Variants in SYN2 observed in about 807,000 individuals in gnomAD.
SYN2 encodes the protein synapsin II, also known as synapsin-2.
A neutral mutation model predicts 50.9 loss-of-function variants in SYN2; 19 were observed. The ratio of observed to expected loss-of-function variants is 0.37; its 90% CI spans 0.26 to 0.55. The LOEUF is 0.55. Ranked by LOEUF, SYN2 falls within the 20% of genes least tolerant of loss-of-function variation. The probability of loss-of-function intolerance (pLI) is 0.81; values close to 1 mark genes in which losing one functional copy is unlikely to be tolerated. For missense variants in SYN2, 587 were observed against 576.4 expected (o/e 1.02, Z -0.19); for synonymous variants, 255 against 224.9 (o/e 1.13, Z -1.20).
chr3:12,048,430 A>G (rs1470432076), intron 1 of SYN2, among the ~76,000 whole-genome samples: 1 of 152,198 alleles, frequency 6.6e-6, no homozygotes, highest in Non-Finnish European at 1.5e-5. Context: ...GGCCTCCCAA[A>G]GGCCTCCTGG....
chr3:12,040,939 C>T (rs1002073688), intron 1 of SYN2, among the ~76,000 whole-genome samples: 1 of 152,132 alleles, frequency 6.6e-6, no homozygotes, highest in Non-Finnish European at 1.5e-5. Context: ...GAGGTACTTT[C>T]TTAGAGCTGG....
intron 1 of SYN2, among the ~76,000 whole-genome samples, chr3:12,076,438 A>G (rs1227577464): frequency 2.6e-5 from 4 of 151,986 alleles, no homozygotes; most frequent in Non-Finnish European, 5.9e-5. Context: ...TAACATGATC[A>G]CCACGGGAAG....
At chr3:12,145,939 G>C (rs1459952214) in intron 4 of SYN2, 104 bp downstream of exon 4, 1 of 1,512,092 alleles carries the variant, frequency 6.6e-7, no homozygotes, top group Non-Finnish European at 9.0e-7. Context: ...AGCCCCAGGA[G>C]GGTCCCTACA....
chr3:12,190,554 A>C lies in SYN2; in HGVS notation c.1678A>C (p.Asn560His). The C allele has an allele frequency of 6.2e-7, 1 of 1,613,480 alleles. No homozygotes were observed. Among genetic ancestry groups the C allele is most frequent in the South Asian group, 1.1e-5 (1 of 90,972 alleles). The change falls in exon 13 of 13, where the codon AAT becomes CAT. Residue 560 changes from asparagine to histidine, a missense_variant. Physicochemically the swap from Asn to His is moderately conservative, Grantham distance 68 (BLOSUM62 1). Coordinates refer to ENST00000621198, the MANE Select transcript of SYN2 (RefSeq NM_133625.6). ...SESSFFRSSA[N>H]EDEAKAETIR... Reference sequence around the variant, plus strand: ...GTCCTCCTTCTTCCGGTCTTCAGCCAATGAGGATGAAGCCAAAGCAGAGAC... The same window carrying C: ...GTCCTCCTTCTTCCGGTCTTCAGCCCATGAGGATGAAGCCAAAGCAGAGAC...
intron 1 of SYN2, among the ~76,000 whole-genome samples, chr3:12,043,784 C>CT (rs973547482): frequency 6.6e-5 from 10 of 152,168 alleles, no homozygotes; most frequent in African/African-American, 2.4e-4. Flanking sequence ...CAGCATCTGT[C>CT]TTCCCCCACG....
chr3:12,183,987 A>G, intron 11 of SYN2: 1 of 986,358 alleles, frequency 1.0e-6, no homozygotes, highest in Non-Finnish European at 1.2e-6. Flanking sequence ...TTTCAAGATC[A>G]AACTTCCATA....
chr3:12,184,249 A>C, intron 11 of SYN2: 1 of 985,896 alleles, frequency 1.0e-6, no homozygotes, highest in Non-Finnish European at 1.2e-6. Context: ...TGCAATATCA[A>C]AGTGAACTTG....
intron 1 of SYN2, among the ~76,000 whole-genome samples, chr3:12,127,475 G>A (rs1433749191): frequency 6.6e-6 from 1 of 152,172 alleles, no homozygotes; most frequent in Non-Finnish European, 1.5e-5. Flanking sequence ...TCCATTCAGA[G>A]CCTGTGTGGT....
At chr3:12,026,065 T>C (rs920569022) in intron 1 of SYN2, among the ~76,000 whole-genome samples, 1 of 152,246 alleles carries the variant, frequency 6.6e-6, no homozygotes, top group Non-Finnish European at 1.5e-5. Flanking sequence ...TACCACATTT[T>C]CCTTGTCTTG....
chr3:12,071,662 T>G, intron 1 of SYN2: 1 of 319,782 alleles, frequency 3.1e-6, no homozygotes, highest in South Asian at 2.9e-5. Flanking sequence ...AACGTGCTTG[T>G]GGAAGACAAG....
chr3:12,056,117 G>A lies in SYN2; in HGVS notation c.377+51189G>A, dbSNP rs371752079. ...TCAACTCTAAGGAAAATAAAGGGAT[G>A]CACAGGGAAACCTGTGGATTAAAAG... On this transcript the variant is annotated intron_variant, in intron 1 of 12. Transcript: ENST00000621198. Among the ~76,000 whole-genome samples, 6 of 151,726 alleles carry A rather than the reference G, an allele frequency of 4.0e-5. No individual in the cohort carries two copies. The East Asian group carries it at 5.8e-4, about 15-fold the overall frequency.
chr3:12,095,259 G>A (rs911108554), intron 1 of SYN2, among the ~76,000 whole-genome samples: 11 of 151,058 alleles, frequency 7.3e-5, no homozygotes, highest in African/African-American at 1.5e-4. Context: ...TTAAAGGACC[G>A]TCAGGCTGGG....
chr3:12,067,259 A>G (rs1337961684), intron 1 of SYN2, among the ~76,000 whole-genome samples: 1 of 152,208 alleles, frequency 6.6e-6, no homozygotes, highest in Non-Finnish European at 1.5e-5. Flanking sequence ...AGTCATATCA[A>G]GGTTTTAATC....
chr3:12,103,502 G>A (rs1304578088), intron 1 of SYN2, among the ~76,000 whole-genome samples: 3 of 152,194 alleles, frequency 2.0e-5, no homozygotes, highest in Non-Finnish European at 4.4e-5. Context: ...TTGCATCTCA[G>A]TAGCATTGTA....
intron 1 of SYN2, among the ~76,000 whole-genome samples, chr3:12,045,180 A>C (rs1694707665): frequency 6.6e-6 from 1 of 152,178 alleles, no homozygotes; most frequent in Non-Finnish European, 1.5e-5. Flanking sequence ...TACCATAAAA[A>C]TGATGTTTAA....
At chr3:12,057,969 A>G (rs763053918) in intron 1 of SYN2, among the ~76,000 whole-genome samples, 6 of 152,182 alleles carry the variant, frequency 3.9e-5, no homozygotes, top group Non-Finnish European at 7.3e-5. Context: ...TGGGATGCCT[A>G]CTTTAAAAAT....
chr3:12,084,452 G>T (rs1232096379), intron 1 of SYN2, among the ~76,000 whole-genome samples: 1 of 152,046 alleles, frequency 6.6e-6, no homozygotes, highest in East Asian at 1.9e-4. Flanking sequence ...AAATGAAGGG[G>T]AGATAAAAAT....
At chr3:12,127,374 T>A (rs1201824905) in intron 1 of SYN2, among the ~76,000 whole-genome samples, 1 of 152,228 alleles carries the variant, frequency 6.6e-6, no homozygotes, top group African/African-American at 2.4e-5. Context: ...TGAGAAGACA[T>A]CAGCTTTCCC....
intron 1 of SYN2, among the ~76,000 whole-genome samples, chr3:12,056,005 G>A (rs555488399): frequency 4.6e-5 from 7 of 152,264 alleles, no homozygotes; most frequent in Middle Eastern, 3.4e-3. Context: ...GGAGAAAGAC[G>A]ATCTTCCTGG....
Sources: allele counts gnomAD v4.1 joint callset (sites outside exome capture counted in the v4.1 genomes callset), GRCh38; gene constraint gnomAD v4.1.1; transcripts MANE v1.5; gene names NCBI Gene and HGNC (gene_info 2026-07-23, HGNC 2026-07-21).